Variants in HMGCLL1 observed in about 807,000 individuals in gnomAD.
The protein encoded by HMGCLL1 is 3-hydroxy-3-methylglutaryl-CoA lyase like 1.
Under a neutral mutation model 39.1 loss-of-function variants are expected in HMGCLL1, and 36 were observed. The observed-to-expected ratio is 0.92, with a 90% CI of 0.71 to 1.22. The LOEUF (loss-of-function observed/expected upper bound fraction) is 1.22, where lower values mean the gene tolerates loss of function less well. HMGCLL1 is among the 50% of genes most tolerant of loss of function. HMGCLL1 has a pLI of 0.00. For missense variants in HMGCLL1, 451 were observed against 416.5 expected, an observed-to-expected ratio of 1.08 and a Z score of -0.72; for synonymous variants, 149 against 144.0, an observed-to-expected ratio of 1.03 and a Z score of -0.25.
the HMGCLL1 span, among the ~76,000 whole-genome samples, chr6:55,668,145 G>C: frequency 6.6e-6 from 1 of 151,812 alleles, no homozygotes; most frequent in Non-Finnish European, 1.5e-5. Flanking sequence ...AAGGCATTTC[G>C]GGCTAAAATG....
At chr6:55,538,386 A>G (rs948773407) in intron 3 of HMGCLL1, among the ~76,000 whole-genome samples, 12 of 152,184 alleles carry the variant, frequency 7.9e-5, no homozygotes, top group Non-Finnish European at 1.3e-4. Flanking sequence ...GCAATAATCA[A>G]ATATGTGAAA....
chr6:55,475,004 T>C (rs1210159935), intron 7 of HMGCLL1, among the ~76,000 whole-genome samples: 1 of 151,590 alleles, frequency 6.6e-6, no homozygotes, highest in Non-Finnish European at 1.5e-5. Context: ...AAGAGAAGCA[T>C]TCCTTAATCT....
chr6:55,463,432 A>C (rs115788219), intron 7 of HMGCLL1, among the ~76,000 whole-genome samples: 3,471 of 152,244 alleles, frequency 0.023, 124 homozygotes, highest in African/African-American at 0.079. Flanking sequence ...AAAAGATGTT[A>C]TATTTCATGA....
rs1769633216 is a variant in HMGCLL1 at position 55,543,207 on chromosome 6, A to ATTATATG, written c.109-1068_109-1067insCATATAA. Among the ~76,000 whole-genome samples, 2 of 15,134 alleles carry ATTATATG rather than the reference A, an allele frequency of 1.3e-4. 1 individual carries two copies. The highest frequency in any genetic ancestry group is 2.5e-4 in the Non-Finnish European group (2 of 7,886). 9.9% of individuals were successfully genotyped at this position (15,134 alleles called of 152,430 possible). A position where few individuals can be genotyped will look rare whatever the true frequency, so the allele number is the denominator to read the frequency against. On this transcript the variant is annotated intron_variant, in intron 1 of 8. Coordinates refer to ENST00000274901, the MANE Select transcript of HMGCLL1 (RefSeq NM_001042406.2). ...ATATATAATATATTATATATTATAT[A>ATTATATG]TTATATATTATATAATATATAATAT...
chr6:55,572,637 T>C (rs1771566817), intron 1 of HMGCLL1, among the ~76,000 whole-genome samples: 2 of 152,172 alleles, frequency 1.3e-5, no homozygotes, highest in African/African-American at 2.4e-5. Context: ...CTGAATAGTA[T>C]GTATGCTACT....
At position 55,435,525 on chromosome 6, in the gene HMGCLL1, T is replaced by A; in HGVS notation, c.*137A>T. On this transcript the variant is annotated 3_prime_UTR_variant, in exon 9 of 9. Coordinates refer to ENST00000274901, the MANE Select transcript of HMGCLL1 (RefSeq NM_001042406.2). ...GTTGACTTAATCTATCCAGTTATAA[T>A]CTTTTTGAAAAGGATCTCTTTTTTC... 2.2e-6 allele frequency: 1 copy of A among 458,084 alleles called. No homozygotes were observed. Among genetic ancestry groups the A allele is most frequent in the Non-Finnish European group, 3.9e-6 (1 of 253,438 alleles). The allele number at this position is 458,084 out of a possible 1,614,324, so 28.4% of individuals were successfully genotyped here.
At chr6:55,605,877 C>G in the HMGCLL1 span, among the ~76,000 whole-genome samples, 12 of 152,096 alleles carry the variant, frequency 7.9e-5, no homozygotes, top group Non-Finnish European at 1.5e-4. Flanking sequence ...ACCTTAGGGC[C>G]ATTTTAATTT....
At chr6:55,620,684 A>T in the HMGCLL1 span, among the ~76,000 whole-genome samples, 2 of 151,742 alleles carry the variant, frequency 1.3e-5, no homozygotes, top group African/African-American at 4.8e-5. Flanking sequence ...ATTTGCCCAG[A>T]CTAATGTACT....
At chr6:55,601,299 G>A in the HMGCLL1 span, among the ~76,000 whole-genome samples, 1 of 152,102 alleles carries the variant, frequency 6.6e-6, no homozygotes, top group Non-Finnish European at 1.5e-5. Flanking sequence ...AGCTGTTCAG[G>A]AATGACCTCA....
chr6:55,543,479 T>G (rs866145295), intron 1 of HMGCLL1, among the ~76,000 whole-genome samples: 16 of 12,060 alleles, frequency 1.3e-3, no homozygotes, highest in South Asian at 6.6e-3. Flanking sequence ...TCATATATAA[T>G]ATATATATGA....
intron 3 of HMGCLL1, among the ~76,000 whole-genome samples, chr6:55,540,724 C>A (rs1270349931): frequency 6.6e-6 from 1 of 152,118 alleles, no homozygotes. Context: ...GCACTCCTGG[C>A]ATAAAGCAGG....
At chr6:55,590,296 G>T in the HMGCLL1 span, among the ~76,000 whole-genome samples, 1 of 151,446 alleles carries the variant, frequency 6.6e-6, no homozygotes, top group African/African-American at 2.4e-5. Flanking sequence ...AAAAAAAAAT[G>T]GGGAAAGGAT....
chr6:55,561,155 A>G (rs146948480), intron 1 of HMGCLL1, among the ~76,000 whole-genome samples: 27 of 152,280 alleles, frequency 1.8e-4, no homozygotes, highest in African/African-American at 6.3e-4. Flanking sequence ...TATATTATAA[A>G]CAAATAGTAT....
At chr6:55,649,003 A>G in the HMGCLL1 span, among the ~76,000 whole-genome samples, 68 of 151,978 alleles carry the variant, frequency 4.5e-4, no homozygotes, top group Non-Finnish European at 7.5e-4. Flanking sequence ...CAACACATCA[A>G]AAAGTTTCTC....
At chr6:55,677,015 T>A in the HMGCLL1 span, among the ~76,000 whole-genome samples, 9 of 152,378 alleles carry the variant, frequency 5.9e-5, no homozygotes, top group African/African-American at 1.9e-4. Context: ...GTGGTAGATA[T>A]ACTCTGAGTG....
chr6:55,531,855 A>T (rs1193842493), intron 3 of HMGCLL1, among the ~76,000 whole-genome samples: 2 of 152,158 alleles, frequency 1.3e-5, no homozygotes, highest in African/African-American at 4.8e-5. Flanking sequence ...TGTCTTTATC[A>T]TCCCCATATG....
chr6:55,668,958 G>A, the HMGCLL1 span, among the ~76,000 whole-genome samples: 1 of 151,458 alleles, frequency 6.6e-6, no homozygotes. Context: ...AAAGGGTGAG[G>A]ACTAACCCAT....
chr6:55,599,628 C>T, the HMGCLL1 span, among the ~76,000 whole-genome samples: 1 of 152,128 alleles, frequency 6.6e-6, no homozygotes, highest in African/African-American at 2.4e-5. Flanking sequence ...ACTCCAATTA[C>T]TATCACAGAG....
intron 7 of HMGCLL1, among the ~76,000 whole-genome samples, chr6:55,479,325 A>G (rs1765611658): frequency 6.6e-6 from 1 of 151,538 alleles, no homozygotes; most frequent in South Asian, 2.1e-4. Flanking sequence ...AGACACATAT[A>G]AACTACACAT....
Sources: gnomAD v4.1 joint callset for allele counts (sites outside exome capture counted in the v4.1 genomes callset) on GRCh38, gnomAD v4.1.1 for gene constraint, MANE v1.5 for transcripts, NCBI Gene and HGNC (gene_info 2026-07-23, HGNC 2026-07-21) for gene names.